Variants in GPR176 observed in about 807,000 individuals in gnomAD.
The protein encoded by GPR176 is G protein-coupled receptor 176.
A neutral mutation model predicts 35.4 loss-of-function variants in GPR176; 26 were observed. That is an observed-to-expected ratio of 0.74 (90% CI 0.54 to 1.02). The LOEUF (loss-of-function observed/expected upper bound fraction) is 1.02, where lower values mean the gene tolerates loss of function less well. Among genes scored for constraint, GPR176 ranks in the 50% least tolerant of loss-of-function variants. The pLI, the probability that GPR176 is intolerant of heterozygous loss-of-function variation, is 0.00. For missense variants in GPR176, 597 were observed against 665.3 expected (o/e 0.90, Z 1.13); for synonymous variants, 278 against 271.3 (o/e 1.02, Z -0.24).
intron 1 of GPR176, among the ~76,000 whole-genome samples, chr15:39,890,150 T>C (rs2032819291): frequency 6.6e-6 from 1 of 152,146 alleles, no homozygotes; most frequent in South Asian, 2.1e-4. Context: ...ACTACAAATT[T>C]GGGTTTTCTT....
At chr15:39,816,804 C>T (rs1323793636) in intron 1 of GPR176, among the ~76,000 whole-genome samples, 1 of 152,094 alleles carries the variant, frequency 6.6e-6, no homozygotes, top group Non-Finnish European at 1.5e-5. Context: ...CCTGTAATCC[C>T]AGCATTTTGG....
intron 1 of GPR176, among the ~76,000 whole-genome samples, chr15:39,857,771 A>T: frequency 6.6e-6 from 1 of 152,014 alleles, no homozygotes; most frequent in East Asian, 1.9e-4. Context: ...GATCAAGACC[A>T]TCCTGCCTAA....
chr15:39,852,190 C>T (rs2030921154), intron 1 of GPR176, among the ~76,000 whole-genome samples: 1 of 152,118 alleles, frequency 6.6e-6, no homozygotes, highest in East Asian at 1.9e-4. Context: ...ATCATGAAGG[C>T]AGTGATTTGT....
intron 1 of GPR176, among the ~76,000 whole-genome samples, chr15:39,885,789 T>C (rs571624806): frequency 3.9e-5 from 6 of 152,356 alleles, no homozygotes; most frequent in African/African-American, 1.2e-4. Context: ...GTTTCAGCCA[T>C]GCACTGTACC....
intron 1 of GPR176, among the ~76,000 whole-genome samples, chr15:39,810,528 C>A (rs1485104794): frequency 6.6e-6 from 1 of 152,156 alleles, no homozygotes; most frequent in Non-Finnish European, 1.5e-5. Flanking sequence ...AAAAGATATT[C>A]CAAAAGAGCA....
chr15:39,841,603 C>G (rs146477341), intron 1 of GPR176, among the ~76,000 whole-genome samples: 3 of 152,178 alleles, frequency 2.0e-5, no homozygotes, highest in African/African-American at 7.2e-5. Context: ...CAGCAAACCA[C>G]CAGAAGTGAG....
At position 39,913,843 on chromosome 15, in the gene GPR176, A is replaced by G. The variant is rs540753820; in HGVS notation, c.172+6012T>C. 4.3e-4 allele frequency among the ~76,000 whole-genome samples: 66 copies of G among 152,236 alleles called. No homozygotes were observed. The South Asian group carries it at 4.6e-3, about 11-fold the overall frequency. Reference sequence around the variant, plus strand: ...AGGCAGATCACAAGGTCAGGAGATCAAGACCATCCTGGCTAACACGGTGAA... The same window carrying G: ...AGGCAGATCACAAGGTCAGGAGATCGAGACCATCCTGGCTAACACGGTGAA... On this transcript the variant is annotated intron_variant, in intron 1 of 2. Transcript: ENST00000561100.
intron 1 of GPR176, among the ~76,000 whole-genome samples, chr15:39,895,554 A>C (rs1164011374): frequency 6.6e-6 from 1 of 152,192 alleles, no homozygotes; most frequent in Non-Finnish European, 1.5e-5. Context: ...TCACCTTAAT[A>C]AACATATTTA....
intron 1 of GPR176, among the ~76,000 whole-genome samples, chr15:39,900,620 A>G (rs371162424): frequency 6.6e-6 from 1 of 152,180 alleles, no homozygotes; most frequent in African/African-American, 2.4e-5. Flanking sequence ...ACAGCCCTCA[A>G]TTGGTCCTTC....
chr15:39,862,861 T>TATAC (rs2031663018), intron 1 of GPR176, among the ~76,000 whole-genome samples: 1 of 152,016 alleles, frequency 6.6e-6, no homozygotes, highest in African/African-American at 2.4e-5. Flanking sequence ...TATATATATA[T>TATAC]ACTAAAATAA....
intron 1 of GPR176, among the ~76,000 whole-genome samples, chr15:39,918,605 C>A (rs980706997): frequency 6.6e-6 from 1 of 152,060 alleles, no homozygotes; most frequent in Non-Finnish European, 1.5e-5. Context: ...GTATTTTGAA[C>A]ATAGGCTTTT....
chr15:39,832,916 G>T (rs1247002758), intron 1 of GPR176, among the ~76,000 whole-genome samples: 1 of 152,044 alleles, frequency 6.6e-6, no homozygotes, highest in Non-Finnish European at 1.5e-5. Context: ...TATCTTTTAA[G>T]GACACTTTGG....
intron 1 of GPR176, among the ~76,000 whole-genome samples, chr15:39,842,976 T>C (rs2030133371): frequency 6.6e-6 from 1 of 151,864 alleles, no homozygotes; most frequent in South Asian, 2.1e-4. Context: ...CAGCAACTTC[T>C]TGGAATCATA....
chr15:39,909,809 C>T (rs2033529574), intron 1 of GPR176: 1 of 509,370 alleles, frequency 2.0e-6, no homozygotes, highest in East Asian at 1.5e-4. Context: ...AAATAACTAG[C>T]TTTTTTTCAC....
At chr15:39,810,456 T>C (rs968709974) in intron 1 of GPR176, among the ~76,000 whole-genome samples, 1 of 152,184 alleles carries the variant, frequency 6.6e-6, no homozygotes, top group Admixed American at 6.5e-5. Flanking sequence ...AACCGGTTTA[T>C]TGGCTTTGCA....
At chr15:39,914,749 C>A (rs564830152) in intron 1 of GPR176, among the ~76,000 whole-genome samples, 1 of 152,300 alleles carries the variant, frequency 6.6e-6, no homozygotes, top group Admixed American at 6.5e-5. Context: ...TGAGTAATTA[C>A]AAATTATAAG....
At position 39,817,068 on chromosome 15, in the gene GPR176, C is replaced by CAAAAAAAA. The variant is rs58812005; in HGVS notation, c.173-9818_173-9811dup. Among the ~76,000 whole-genome samples, 56 of 77,296 alleles carry CAAAAAAAA rather than the reference C, an allele frequency of 7.2e-4. 7 individuals carry two copies. The Admixed American group carries it at 8.7e-3, about 12-fold the overall frequency. 50.7% of individuals were successfully genotyped at this position (77,296 alleles called of 152,430 possible). A position where few individuals can be genotyped will look rare whatever the true frequency, so the allele number is the denominator to read the frequency against. On this transcript the variant is annotated intron_variant, in intron 1 of 2. Transcript: ENST00000561100. Reference sequence around the variant, plus strand: ...TTGGTAACAGAGCAGGATTCTGTCTCAAAAAAAAAAAAAAAGCTTTGAAAA... The same window carrying CAAAAAAAA: ...TTGGTAACAGAGCAGGATTCTGTCTCAAAAAAAAAAAAAAAAAAAAAAAGCTTTGAAAA...
chr15:39,870,235 G>A (rs916364570), intron 1 of GPR176, among the ~76,000 whole-genome samples: 2 of 152,128 alleles, frequency 1.3e-5, no homozygotes, highest in African/African-American at 4.8e-5. Flanking sequence ...GGCCCACCCA[G>A]ATAATCCAGG....
At chr15:39,809,400 G>A (rs1279492487) in intron 1 of GPR176, among the ~76,000 whole-genome samples, 1 of 152,152 alleles carries the variant, frequency 6.6e-6, no homozygotes, top group African/African-American at 2.4e-5. Flanking sequence ...GTGTGTGCGT[G>A]TGCATGTACA....
Sources: gnomAD v4.1 joint callset for allele counts (sites outside exome capture counted in the v4.1 genomes callset) on GRCh38, gnomAD v4.1.1 for gene constraint, MANE v1.5 for transcripts, NCBI Gene and HGNC (gene_info 2026-07-23, HGNC 2026-07-21) for gene names.